The following PIP5K1B variants were observed in gnomAD, a reference collection of about 807,000 sequenced individuals.
PIP5K1B encodes phosphatidylinositol-4-phosphate 5-kinase type 1 beta.
In PIP5K1B, 42 loss-of-function variants were observed where a neutral mutation model predicts 67.0. The observed-to-expected ratio is 0.63, with a 90% confidence interval of 0.49 to 0.81. The LOEUF is 0.81. PIP5K1B is among the 30% of genes least tolerant of loss of function. PIP5K1B has a pLI of 0.00. For missense variants in PIP5K1B, 459 were observed against 646.3 expected (o/e 0.71, Z 3.14); for synonymous variants, 214 against 231.4 (o/e 0.92, Z 0.68).
intron 15 of PIP5K1B, among the ~76,000 whole-genome samples, chr9:68,993,806 G>A (rs1830483109): frequency 1.3e-5 from 2 of 152,084 alleles, no homozygotes; most frequent in South Asian, 4.1e-4. Context: ...CAGTCACGGA[G>A]GTGCAATATT....
intron 4 of PIP5K1B, among the ~76,000 whole-genome samples, chr9:68,828,490 T>G (rs1169992752): frequency 6.6e-6 from 1 of 152,196 alleles, no homozygotes; most frequent in Non-Finnish European, 1.5e-5. Context: ...TTTGAAGACC[T>G]TGGTTGTTGC....
chr9:69,002,679 G>T (rs1051356463), intron 15 of PIP5K1B, among the ~76,000 whole-genome samples: 7 of 152,144 alleles, frequency 4.6e-5, no homozygotes, highest in Non-Finnish European at 1.0e-4. Context: ...GTGATACCTT[G>T]TGTTTAAAAC....
chr9:68,717,671 T>A (rs1279087488), intron 1 of PIP5K1B, among the ~76,000 whole-genome samples: 1 of 152,152 alleles, frequency 6.6e-6, no homozygotes, highest in Non-Finnish European at 1.5e-5. Context: ...TATGACCTAA[T>A]CACCTCCTAA....
At chr9:68,897,631 A>G (rs1030039797) in intron 8 of PIP5K1B, among the ~76,000 whole-genome samples, 1 of 152,174 alleles carries the variant, frequency 6.6e-6, no homozygotes, top group African/African-American at 2.4e-5. Flanking sequence ...GCCACATAAT[A>G]TGAGAGCCAC....
intron 4 of PIP5K1B, among the ~76,000 whole-genome samples, chr9:68,847,468 T>TGTGTGTGTGTGTG (rs1308180241): frequency 7.4e-6 from 1 of 135,092 alleles, no homozygotes; most frequent in African/African-American, 2.8e-5. Context: ...TGTGTGTAGG[T>TGTGTGTGTGTGTG]GGGGATAACA....
intron 6 of PIP5K1B, among the ~76,000 whole-genome samples, chr9:68,885,317 A>G (rs1432774709): frequency 6.6e-6 from 1 of 152,230 alleles, no homozygotes; most frequent in Non-Finnish European, 1.5e-5. Context: ...TAGTGGGTGG[A>G]TAGAGAATAG....
At chr9:68,830,986 G>A (rs948244960) in intron 4 of PIP5K1B, among the ~76,000 whole-genome samples, 3 of 152,144 alleles carry the variant, frequency 2.0e-5, no homozygotes, top group African/African-American at 7.2e-5. Context: ...ACATAAAAGA[G>A]ATTTTTTTTA....
chr9:68,898,543 C>T (rs557054591), intron 8 of PIP5K1B, among the ~76,000 whole-genome samples: 8 of 152,304 alleles, frequency 5.3e-5, no homozygotes, highest in African/African-American at 9.6e-5. Flanking sequence ...ATGGCTCCCA[C>T]GTGACAGACA....
At chr9:68,814,668 A>T (rs1039171146) in intron 2 of PIP5K1B, among the ~76,000 whole-genome samples, 5 of 151,944 alleles carry the variant, frequency 3.3e-5, no homozygotes, top group African/African-American at 1.2e-4. Flanking sequence ...AAAATTTAAA[A>T]AATTAGCCAG....
chr9:68,904,898 T>G (rs890246939), intron 8 of PIP5K1B, among the ~76,000 whole-genome samples: 3 of 152,150 alleles, frequency 2.0e-5, no homozygotes, highest in Non-Finnish European at 4.4e-5. Context: ...AGATATTACC[T>G]AAAGATTGGA....
chr9:68,939,600 T>C (rs1827455526), intron 13 of PIP5K1B, among the ~76,000 whole-genome samples: 1 of 152,230 alleles, frequency 6.6e-6, no homozygotes, highest in South Asian at 2.1e-4. Context: ...TATCCATCGC[T>C]GCAGTTTTCT....
At chr9:68,989,514 C>A (rs1830264630) in intron 14 of PIP5K1B, among the ~76,000 whole-genome samples, 1 of 152,138 alleles carries the variant, frequency 6.6e-6, no homozygotes, top group South Asian at 2.1e-4. Flanking sequence ...GCCAACTCTC[C>A]CAACACCAAT....
intron 2 of PIP5K1B, among the ~76,000 whole-genome samples, chr9:68,800,349 A>G (rs904112082): frequency 6.6e-6 from 1 of 152,204 alleles, no homozygotes; most frequent in African/African-American, 2.4e-5. Context: ...CATGCTTTTC[A>G]TCCAGCATCT....
intron 14 of PIP5K1B, among the ~76,000 whole-genome samples, chr9:68,959,176 A>G (rs1022431059): frequency 1.3e-5 from 2 of 152,182 alleles, no homozygotes; most frequent in African/African-American, 2.4e-5. Flanking sequence ...TTTATGATAG[A>G]GGAAATTTGG....
In PIP5K1B at chr9:68,977,655, CT is replaced by C. The variant is rs758854141; in HGVS notation, c.1503-13469del. On this transcript the variant is annotated intron_variant, in intron 14 of 15. Coordinates refer to ENST00000265382, the MANE Select transcript of PIP5K1B (RefSeq NM_003558.4). ...TTCATAATCATATAATTATTGGCTTCTTTTTTTTTTTTTTTTCGAGACGGAG... is the reference window on the plus strand; with the variant it reads ...TTCATAATCATATAATTATTGGCTTCTTTTTTTTTTTTTTTCGAGACGGAG... Among the ~76,000 whole-genome samples the C allele has an allele frequency of 2.8e-3, 367 of 133,042 alleles. 2 individuals carry two copies. Among genetic ancestry groups the C allele is most frequent in the African/African-American group, 6.7e-3 (242 of 36,370 alleles). 87.3% of individuals were successfully genotyped at this position (133,042 alleles called of 152,430 possible).
intron 14 of PIP5K1B, among the ~76,000 whole-genome samples, chr9:68,963,560 C>T (rs1828864007): frequency 6.6e-6 from 1 of 151,904 alleles, no homozygotes; most frequent in Non-Finnish European, 1.5e-5. Flanking sequence ...GGAATCCATG[C>T]AGTTGCATAG....
chr9:68,783,794 C>T, intron 2 of PIP5K1B: 1 of 167,166 alleles, frequency 6.0e-6, no homozygotes. Context: ...CACACTCACT[C>T]TGGTCGGCTA....
intron 14 of PIP5K1B, among the ~76,000 whole-genome samples, chr9:68,969,003 G>A (rs975551646): frequency 1.3e-5 from 2 of 152,120 alleles, no homozygotes; most frequent in African/African-American, 2.4e-5. Context: ...GGCACAGTGC[G>A]TAGCTTCTGA....
At position 68,992,028 on chromosome 9, in the gene PIP5K1B, C is replaced by T. The variant is rs371212647; in HGVS notation, c.1620+771C>T. On this transcript the variant is annotated intron_variant, in intron 15 of 15. Transcript: ENST00000265382. ...TTGCCCAGGCTGGAGTGCAATGGTG[C>T]GATCTCGGCTCACCGCAACCTCCGC... 7.1e-4 allele frequency among the ~76,000 whole-genome samples: 108 copies of T among 152,114 alleles called. 1 individual carries two copies. The East Asian group carries it at 0.016, about 23-fold the overall frequency.
Sources: allele counts gnomAD v4.1 joint callset (sites outside exome capture counted in the v4.1 genomes callset), GRCh38; gene constraint gnomAD v4.1.1; transcripts MANE v1.5; gene names NCBI Gene and HGNC (gene_info 2026-07-23, HGNC 2026-07-21).